Variants in AFF3 observed in about 807,000 individuals in gnomAD.
AFF3 encodes ALF transcription elongation factor 3.
AFF3 carries 32 observed loss-of-function variants against 129.7 expected under a neutral mutation model. The ratio of observed to expected loss-of-function variants is 0.25; its 90% CI spans 0.19 to 0.33. The LOEUF (loss-of-function observed/expected upper bound fraction) is 0.33. AFF3 is among the 10% of genes least tolerant of loss of function. The pLI is 1.00. For synonymous variants in AFF3, 644 were observed against 635.4 expected, an observed-to-expected ratio of 1.01 and a Z score of -0.20; for missense variants, 1,373 against 1,592.0, an observed-to-expected ratio of 0.86 and a Z score of 2.34.
intron 4 of AFF3, among the ~76,000 whole-genome samples, chr2:100,078,293 T>C (rs1478520410): frequency 6.6e-6 from 1 of 152,230 alleles, no homozygotes; most frequent in Non-Finnish European, 1.5e-5. Flanking sequence ...ATATACAGGT[T>C]TGTCAAGGTC....
chr2:100,024,649 T>A (rs1683893083), intron 4 of AFF3, among the ~76,000 whole-genome samples: 1 of 151,750 alleles, frequency 6.6e-6, no homozygotes, highest in South Asian at 2.1e-4. Context: ...AAAACAAAAA[T>A]AATTGTAAAA....
intron 8 of AFF3, among the ~76,000 whole-genome samples, chr2:99,800,103 C>A (rs4851234): frequency 0.87 from 131,785 of 152,226 alleles, 57,090 homozygotes; most frequent in South Asian, 0.92. Context: ...AATTTTTTAA[C>A]AAAGTTTGAA....
In AFF3 at chr2:100,037,768, A is replaced by C. The variant is rs1386742647; in HGVS notation, c.54-28836T>G. On this transcript the variant is annotated intron_variant, in intron 4 of 24. Coordinates refer to ENST00000672756, the MANE Select transcript of AFF3 (RefSeq NM_001386135.1). ...ATAATATATATTATTAAATATAATA[A>C]ATATATTTATTTTTATATATTATAT... Among the ~76,000 whole-genome samples the C allele has an allele frequency of 1.8e-4, 24 of 133,486 alleles. 1 individual carries two copies. The Middle Eastern group carries it at 0.011, about 62-fold the overall frequency. The allele number at this position is 133,486 out of a possible 152,430, so 87.6% of individuals were successfully genotyped here.
intron 15 of AFF3, among the ~76,000 whole-genome samples, chr2:99,590,998 C>CAAA (rs762274125): frequency 8.9e-6 from 1 of 112,704 alleles, no homozygotes; most frequent in Non-Finnish European, 1.8e-5. Context: ...AACTCTGTCT[C>CAAA]AAAAAAAAAA....
At chr2:99,619,503 C>T (rs1289811233) in intron 13 of AFF3, among the ~76,000 whole-genome samples, 3 of 152,192 alleles carry the variant, frequency 2.0e-5, no homozygotes, top group African/African-American at 7.2e-5. Flanking sequence ...TCAAAGGCTG[C>T]ACCACAGAGC....
intron 7 of AFF3, among the ~76,000 whole-genome samples, chr2:100,004,326 A>G (rs898794263): frequency 2.0e-5 from 3 of 152,240 alleles, no homozygotes; most frequent in Non-Finnish European, 2.9e-5. Context: ...ATTGGCATGA[A>G]TATTTTTGAA....
intron 7 of AFF3, among the ~76,000 whole-genome samples, chr2:99,958,347 G>T (rs1676860681): frequency 6.6e-6 from 1 of 152,022 alleles, no homozygotes; most frequent in African/African-American, 2.4e-5. Flanking sequence ...ACAAAAATTA[G>T]CTGGGCATGG....
At chr2:99,665,605 A>G (rs1370401657) in intron 12 of AFF3, among the ~76,000 whole-genome samples, 1 of 152,234 alleles carries the variant, frequency 6.6e-6, no homozygotes, top group Non-Finnish European at 1.5e-5. Context: ...CCAAGTGGAA[A>G]AGTAAAGTAG....
chr2:99,608,764 A>G (rs1004157691), intron 13 of AFF3, among the ~76,000 whole-genome samples: 3 of 152,158 alleles, frequency 2.0e-5, no homozygotes, highest in Non-Finnish European at 2.9e-5. Context: ...TGAAGCCCCA[A>G]ATCCTTATGT....
intron 13 of AFF3, among the ~76,000 whole-genome samples, chr2:99,602,520 G>T (rs1440079121): frequency 2.0e-5 from 3 of 152,128 alleles, no homozygotes; most frequent in African/African-American, 7.2e-5. Context: ...AAGTGTTTGA[G>T]CAGAAAAGAA....
chr2:99,754,005 C>G (rs1681885626), intron 8 of AFF3, among the ~76,000 whole-genome samples: 1 of 152,150 alleles, frequency 6.6e-6, no homozygotes, highest in African/African-American at 2.4e-5. Flanking sequence ...TCGTCATTCT[C>G]AGAGTTGGGC....
rs544459002 is a variant in AFF3, at chr2:99,646,090, C to T, written c.1184+3536G>A. ...GGAAACAGATAACAAAAACTGGCTTCCTACAGTGTAAACTCATGTCCTTCC... is the reference window on the plus strand; with the variant it reads ...GGAAACAGATAACAAAAACTGGCTTTCTACAGTGTAAACTCATGTCCTTCC... On this transcript the variant is annotated intron_variant, in intron 13 of 24. Coordinates refer to ENST00000672756, the MANE Select transcript of AFF3 (RefSeq NM_001386135.1). Among the ~76,000 whole-genome samples, 3 of 152,308 alleles carry T rather than the reference C, an allele frequency of 2.0e-5. No individual in the cohort carries two copies. The East Asian group carries it at 5.8e-4, about 29-fold the overall frequency.
chr2:99,632,609 T>C (rs1683231501), intron 13 of AFF3, among the ~76,000 whole-genome samples: 2 of 152,128 alleles, frequency 1.3e-5, no homozygotes, highest in Non-Finnish European at 2.9e-5. Flanking sequence ...CAGAATAGCC[T>C]TCTTAGGGGC....
intron 11 of AFF3, among the ~76,000 whole-genome samples, chr2:99,682,108 T>C (rs940858123): frequency 6.6e-6 from 1 of 152,072 alleles, no homozygotes; most frequent in African/African-American, 2.4e-5. Context: ...GGTTTTGCCA[T>C]GTTGACCAGG....
intron 11 of AFF3, among the ~76,000 whole-genome samples, chr2:99,702,094 T>G (rs1676924710): frequency 6.6e-6 from 1 of 152,248 alleles, no homozygotes; most frequent in South Asian, 2.1e-4. Flanking sequence ...ACGTACAAGT[T>G]GCTGTGTGAA....
Position 100,121,955 on chromosome 2 carries a change from G to A in AFF3, c.-145+7269C>T, listed in dbSNP as rs551889045. On this transcript the variant is annotated intron_variant, in intron 2 of 24. Transcript: ENST00000672756. The stretch of plus-strand genomic sequence containing the variant: ...CGGGCGCCTGTAGTCCCAGCTACTC[G>A]GGAGGCTGAGGCAGGAGAATGGCGT... Among the ~76,000 whole-genome samples the A allele has an allele frequency of 5.9e-5, 9 of 152,204 alleles. No homozygotes were observed. The South Asian group carries it at 6.2e-4, about 11-fold the overall frequency.
At chr2:100,132,485 G>C (rs1692463062) in intron 1 of AFF3, among the ~76,000 whole-genome samples, 1 of 151,974 alleles carries the variant, frequency 6.6e-6, no homozygotes, top group African/African-American at 2.4e-5. Context: ...AGATCAATAA[G>C]ATATAATAAC....
intron 13 of AFF3, among the ~76,000 whole-genome samples, chr2:99,629,221 CTTTTGATCAG>C (rs1289964396): frequency 6.6e-6 from 1 of 152,172 alleles, no homozygotes; most frequent in Non-Finnish European, 1.5e-5. Context: ...ATATGACTGC[CTTTTGATCAG>C]TTTTGACCCA....
intron 7 of AFF3, among the ~76,000 whole-genome samples, chr2:99,876,079 A>G (rs1692272015): frequency 1.3e-5 from 2 of 151,882 alleles, no homozygotes; most frequent in South Asian, 2.1e-4. Context: ...CTCCTCTCCA[A>G]TCACTTAAGA....
Sources: gnomAD v4.1 joint callset for allele counts (sites outside exome capture counted in the v4.1 genomes callset) on GRCh38, gnomAD v4.1.1 for gene constraint, MANE v1.5 for transcripts, NCBI Gene and HGNC (gene_info 2026-07-23, HGNC 2026-07-21) for gene names.